The following FSTL5 variants were observed in gnomAD, a reference collection of about 807,000 sequenced individuals.
The protein encoded by FSTL5 is follistatin like 5.
A neutral mutation model predicts 89.1 loss-of-function variants in FSTL5; 62 were observed. The ratio of observed to expected loss-of-function variants is 0.70; its 90% CI spans 0.57 to 0.86. FSTL5 has a LOEUF of 0.86. FSTL5 is among the 40% of genes least tolerant of loss of function. The probability of loss-of-function intolerance (pLI) is 0.00; values close to 1 mark genes in which losing one functional copy is unlikely to be tolerated. For synonymous variants in FSTL5, 383 were observed against 346.2 expected, an observed-to-expected ratio of 1.11 and a Z score of -1.18; for missense variants, 1,057 against 1,001.6, an observed-to-expected ratio of 1.06 and a Z score of -0.75.
chr4:162,145,198 A>C (rs1732925545), intron 1 of FSTL5, among the ~76,000 whole-genome samples: 2 of 152,030 alleles, frequency 1.3e-5, no homozygotes, highest in South Asian at 4.1e-4. Context: ...ATAAACATAT[A>C]AAATATGAGA....
At chr4:162,085,735 A>ATGG (rs1227411059) in intron 2 of FSTL5, among the ~76,000 whole-genome samples, 1 of 152,122 alleles carries the variant, frequency 6.6e-6, no homozygotes, top group Admixed American at 6.6e-5. Context: ...TTTCCTCGTC[A>ATGG]TGGTAGCCCT....
At chr4:162,086,347 C>A (rs1730317404) in intron 2 of FSTL5, among the ~76,000 whole-genome samples, 2 of 151,544 alleles carry the variant, frequency 1.3e-5, no homozygotes, top group South Asian at 4.2e-4. Context: ...ATTTCATTCT[C>A]TTCCTCCCTC....
chr4:161,404,195 C>A (rs538850956), intron 15 of FSTL5, among the ~76,000 whole-genome samples: 2 of 152,226 alleles, frequency 1.3e-5, no homozygotes, highest in East Asian at 1.9e-4. Flanking sequence ...AACAGCTAAG[C>A]AGAGGGTATT....
chr4:161,384,129 G>A lies in FSTL5; in HGVS notation c.*1618C>T, dbSNP rs184159486. ...GTTGTTTATTAAATCTACCTCGCATGTTTCTGCTAAGAAGAAATCTACTGT... is the reference window on the plus strand; with the variant it reads ...GTTGTTTATTAAATCTACCTCGCATATTTCTGCTAAGAAGAAATCTACTGT... On this transcript the variant is annotated 3_prime_UTR_variant, in exon 16 of 16. Transcript: ENST00000306100. 6.6e-6 allele frequency: 1 copy of A among 152,240 alleles called. No homozygotes were observed. The highest frequency in any genetic ancestry group is 1.9e-4 in the East Asian group (1 of 5,186). The allele number at this position is 152,240 out of a possible 1,614,324, so 9.4% of individuals were successfully genotyped here.
Position 161,783,395 on chromosome 4 carries a change from T to C in FSTL5, c.410-7321A>G, listed in dbSNP as rs77985989. ...ATTAATTATTTTTTTCCGGGTAACC[T>C]ATCTATAAATGATTTGCACATGACA... On this transcript the variant is annotated intron_variant, in intron 4 of 15. Transcript: ENST00000306100. 3.1e-3 allele frequency among the ~76,000 whole-genome samples: 467 copies of C among 152,088 alleles called. 2 individuals carry two copies. Among genetic ancestry groups the C allele is most frequent in the Non-Finnish European group, 5.5e-3 (371 of 67,974 alleles).
At chr4:162,138,730 C>T (rs920368900) in intron 1 of FSTL5, among the ~76,000 whole-genome samples, 2 of 151,872 alleles carry the variant, frequency 1.3e-5, no homozygotes, top group African/African-American at 4.8e-5. Flanking sequence ...CAAAGAAAAT[C>T]CTAAATGTAT....
chr4:162,038,518 G>C (rs55788108), intron 2 of FSTL5, among the ~76,000 whole-genome samples: 287 of 152,026 alleles, frequency 1.9e-3, no homozygotes, highest in Non-Finnish European at 2.4e-3. Context: ...CACAGTAGTT[G>C]TACAAATGAG....
chr4:162,087,976 G>C (rs1230183140), intron 2 of FSTL5, among the ~76,000 whole-genome samples: 1 of 152,092 alleles, frequency 6.6e-6, no homozygotes, highest in African/African-American at 2.4e-5. Context: ...GTAATGATCA[G>C]TTTCTTTATT....
intron 3 of FSTL5, among the ~76,000 whole-genome samples, chr4:162,002,408 G>A (rs540490973): frequency 2.6e-5 from 4 of 152,252 alleles, no homozygotes; most frequent in East Asian, 1.9e-4. Context: ...CTGGGGCTCC[G>A]TAGGATAGGA....
rs553429918 is a variant in FSTL5, at chr4:161,949,540, T to C, written c.161-28888A>G. Reference sequence around the variant, plus strand: ...ACCAGATTTTAAAAATCTTGGCAATTATGTCTTCAATTTTTTTCTGGTCCA... The same window carrying C: ...ACCAGATTTTAAAAATCTTGGCAATCATGTCTTCAATTTTTTTCTGGTCCA... On this transcript the variant is annotated intron_variant, in intron 3 of 15. Transcript: ENST00000306100. Among the ~76,000 whole-genome samples, 310 of 152,156 alleles carry C rather than the reference T, an allele frequency of 2.0e-3. 1 individual carries two copies. The highest frequency in any genetic ancestry group is 7.0e-3 in the African/African-American group (293 of 41,562).
At chr4:161,703,491 A>G (rs946123142) in intron 6 of FSTL5, among the ~76,000 whole-genome samples, 1 of 152,160 alleles carries the variant, frequency 6.6e-6, no homozygotes, top group African/African-American at 2.4e-5. Flanking sequence ...CCTTGAGCTC[A>G]GGTAAATCCT....
chr4:161,651,076 C>G (rs1736325159), intron 7 of FSTL5, among the ~76,000 whole-genome samples: 2 of 152,058 alleles, frequency 1.3e-5, no homozygotes. Flanking sequence ...TCTCAATACT[C>G]TATATTTGTC....
At chr4:162,046,258 T>C (rs778565798) in intron 2 of FSTL5, among the ~76,000 whole-genome samples, 1 of 152,164 alleles carries the variant, frequency 6.6e-6, no homozygotes, top group Non-Finnish European at 1.5e-5. Flanking sequence ...AGCTATTACT[T>C]ACAACACAAT....
intron 1 of FSTL5, among the ~76,000 whole-genome samples, chr4:162,150,954 A>T (rs1465278899): frequency 6.6e-6 from 1 of 152,178 alleles, no homozygotes; most frequent in Non-Finnish European, 1.5e-5. Flanking sequence ...AATAAATCAC[A>T]TGTGCTGCAG....
intron 2 of FSTL5, among the ~76,000 whole-genome samples, chr4:162,092,218 A>T (rs1409394738): frequency 6.6e-6 from 1 of 152,152 alleles, no homozygotes; most frequent in Non-Finnish European, 1.5e-5. Context: ...TGTACCAGGC[A>T]TCTGCATGTT....
intron 4 of FSTL5, among the ~76,000 whole-genome samples, chr4:161,871,350 A>G (rs1167409735): frequency 2.0e-5 from 3 of 152,068 alleles, no homozygotes; most frequent in Non-Finnish European, 4.4e-5. Context: ...AAGATTAGAG[A>G]TAGTTTTTGA....
intron 5 of FSTL5, among the ~76,000 whole-genome samples, chr4:161,766,779 G>T (rs1027674052): frequency 6.6e-6 from 1 of 152,152 alleles, no homozygotes; most frequent in Non-Finnish European, 1.5e-5. Flanking sequence ...GACAACGGCT[G>T]TATAGGCACT....
At chr4:161,840,389 TA>T (rs1731173999) in intron 4 of FSTL5, among the ~76,000 whole-genome samples, 1 of 152,198 alleles carries the variant, frequency 6.6e-6, no homozygotes, top group Non-Finnish European at 1.5e-5. Context: ...ATGCTTTATC[TA>T]CATATCTAAA....
chr4:161,723,924 A>C lies in FSTL5; in HGVS notation c.727+35487T>G, dbSNP rs189880747. ...AAAAAATTTGCTGTTTGGGATGCTC[A>C]GTCAAATTTAAATTAATATTAAAAC... is the stretch of plus-strand genomic sequence containing the variant. On this transcript the variant is annotated intron_variant, in intron 6 of 15. Coordinates refer to ENST00000306100, the MANE Select transcript of FSTL5 (RefSeq NM_020116.5). 3.0e-3 allele frequency among the ~76,000 whole-genome samples: 453 copies of C among 152,324 alleles called. 7 individuals are homozygous for C. Among genetic ancestry groups the C allele is most frequent in the South Asian group, 0.015 (73 of 4,828 alleles).
Sources: gnomAD v4.1 joint callset for allele counts (sites outside exome capture counted in the v4.1 genomes callset) on GRCh38, gnomAD v4.1.1 for gene constraint, MANE v1.5 for transcripts, NCBI Gene and HGNC (gene_info 2026-07-23, HGNC 2026-07-21) for gene names.